Variants in SNX17 observed in about 807,000 individuals in gnomAD.
The protein encoded by SNX17 is sorting nexin 17, also known as sorting nexin-17.
In SNX17, 35 loss-of-function variants were observed where a neutral mutation model predicts 64.3. The observed-to-expected ratio is 0.54, with a 90% CI of 0.42 to 0.72. The LOEUF (loss-of-function observed/expected upper bound fraction) is 0.72, where lower values mean the gene tolerates loss of function less well. Ranked by LOEUF, SNX17 falls within the 30% of genes least tolerant of loss-of-function variation. SNX17 has a pLI of 0.00. For missense variants in SNX17, 538 were observed against 610.0 expected (o/e 0.88, Z 1.24); for synonymous variants, 259 against 230.2 (o/e 1.13, Z -1.13).
chr2:27,376,580 C>G (rs1320892719), intron 14 of SNX17, 26 bp from the exon 15 acceptor site: 1 of 1,614,176 alleles, frequency 6.2e-7, no homozygotes, highest in East Asian at 2.2e-5. Context: ...CCCAAGATCT[C>G]TGACCCCACC....
At chr2:27,371,414 T>A (rs771571046) in intron 2 of SNX17, 71 bp downstream of exon 2, 1 of 1,531,988 alleles carries the variant, frequency 6.5e-7, no homozygotes, top group Non-Finnish European at 8.7e-7. Context: ...TGTCTCCCTT[T>A]ACCCGCTCTT....
At position 27,374,778 on chromosome 2, in the gene SNX17, A is replaced by G. The variant is rs1182582463; in HGVS notation, c.681+20A>G. On this transcript the variant is annotated intron_variant, in intron 8 of 14. Coordinates refer to ENST00000233575, the MANE Select transcript of SNX17 (RefSeq NM_014748.4). ...GCTCAGGTGAGCTTGGAGCTGCCTC[A>G]GAACCCTTCCCCTGAAGAAAATAAC... The G allele has an allele frequency of 6.2e-7, 1 of 1,611,336 alleles. No individual in the cohort carries two copies. The highest frequency in any genetic ancestry group is 1.3e-5 in the African/African-American group (1 of 74,872).
intron 2 of SNX17, 55 bp from the exon 3 acceptor site, chr2:27,372,568 G>A: frequency 4.3e-6 from 7 of 1,613,268 alleles, no homozygotes; most frequent in Non-Finnish European, 5.9e-6. Context: ...TATGTAGATT[G>A]CCTCATCTCA....
In SNX17 at chr2:27,370,735, G is replaced by A. The variant is rs902724120; in HGVS notation, c.-9G>A. On this transcript the variant is annotated 5_prime_UTR_variant, in exon 1 of 15. Coordinates refer to ENST00000233575, the MANE Select transcript of SNX17 (RefSeq NM_014748.4). ...GTCCGGAGCCCGGCCGTGCCGTGCC[G>A]TAGGGAACATGCACTTTTCCATTCC... 1.3e-6 allele frequency: 2 copies of A among 1,548,158 alleles called. No individual in the cohort carries two copies. The highest frequency in any genetic ancestry group is 1.7e-6 in the Non-Finnish European group (2 of 1,145,708).
At chr2:27,373,166 C>CG in intron 3 of SNX17, 81 bp from the exon 4 acceptor site, 1 of 1,607,944 alleles carries the variant, frequency 6.2e-7, no homozygotes, top group Non-Finnish European at 8.5e-7. Flanking sequence ...GAAATGGGGT[C>CG]GGGGGAACCT....
At position 27,375,269 on chromosome 2, in the gene SNX17, G is replaced by T; in HGVS notation, c.774+116G>T. 9.7e-7 allele frequency: 1 copy of T among 1,034,388 alleles called. No homozygotes were observed. The allele number at this position is 1,034,388 out of a possible 1,614,324, so 64.1% of individuals were successfully genotyped here. The stretch of plus-strand genomic sequence containing the variant: ...TTCTCCCGCCTCAGCCTCCCGAGTA[G>T]CTGGGACTACAGGCACCCGCCACGA... On this transcript the variant is annotated intron_variant, in intron 9 of 14. Coordinates refer to ENST00000233575, the MANE Select transcript of SNX17 (RefSeq NM_014748.4). The surrounding 1 kb of genome is among the most constrained non-coding windows in gnomAD (Gnocchi z 4.1).
chr2:27,374,385 C>T lies in SNX17; in HGVS notation c.563C>T (p.Ser188Phe). Residue 188 changes from serine to phenylalanine, a missense_variant, in exon 7 of 15, where the codon TCT becomes TTT. Ser to Phe is a radical substitution (Grantham distance 155). Around this residue, in one of 3 missense-constraint regions of SNX17, gnomAD observed 505 missense variants for 550.4 expected, o/e 0.92. Coordinates refer to ENST00000233575, the MANE Select transcript of SNX17 (RefSeq NM_014748.4). ...KLQEFELPYV[S>F]VTSLRSQEYK... is the part of the protein sequence containing the mutation. ...CAAGAGTTTGAGCTGCCTTATGTGT[C>T]TGTCACCAGCCTTCGGAGTCAAGAG... The T allele has an allele frequency of 6.2e-7, 1 of 1,613,230 alleles. No individual in the cohort carries two copies. Among genetic ancestry groups the T allele is most frequent in the African/African-American group, 1.3e-5 (1 of 74,660 alleles).
intron 1 of SNX17, among the ~76,000 whole-genome samples, 162 bp downstream of exon 1, chr2:27,370,968 C>T (rs1682435135): frequency 6.6e-6 from 1 of 152,248 alleles, no homozygotes; most frequent in Non-Finnish European, 1.5e-5. Flanking sequence ...GTGTGTGATT[C>T]GTGCAGTGGT....
intron 6 of SNX17, 38 bp downstream of exon 6, chr2:27,374,213 TTCA>T: frequency 6.3e-7 from 1 of 1,598,462 alleles, no homozygotes; most frequent in Non-Finnish European, 8.6e-7. Flanking sequence ...ACAAGGGTAC[TTCA>T]GTAGAGTTTG....
In SNX17 at chr2:27,375,174, G is replaced by A; in HGVS notation, c.774+21G>A. 2 of 1,608,390 alleles carry A rather than the reference G, an allele frequency of 1.2e-6. No homozygotes were observed. Among genetic ancestry groups the A allele is most frequent in the South Asian group, 2.2e-5 (2 of 90,936 alleles). ...AGGAGGTGAGCCCTGCCTCCTCTCT[G>A]TCTTCCTCTAAGGGCTTGCAGTGGC... On this transcript the variant is annotated intron_variant, in intron 9 of 14. Transcript: ENST00000233575. The surrounding 1 kb of genome is among the most constrained non-coding windows in gnomAD (Gnocchi z 4.1).
intron 8 of SNX17, 145 bp from the exon 9 acceptor site, chr2:27,374,916 A>G: frequency 1.0e-6 from 1 of 971,070 alleles, no homozygotes; most frequent in South Asian, 1.4e-5. Context: ...CCCTACTTTT[A>G]TTAAGCTGAC....
Position 27,370,655 on chromosome 2 carries a change from C to G in SNX17, c.-89C>G, listed in dbSNP as rs918427091. The G allele has an allele frequency of 6.8e-7, 1 of 1,470,338 alleles. No homozygotes were observed. The highest frequency in any genetic ancestry group is 9.0e-7 in the Non-Finnish European group (1 of 1,107,566). 91.1% of individuals were successfully genotyped at this position (1,470,338 alleles called of 1,614,324 possible). On this transcript the variant is annotated 5_prime_UTR_variant, in exon 1 of 15. Coordinates refer to ENST00000233575, the MANE Select transcript of SNX17 (RefSeq NM_014748.4). ...GCTCCCAAAATGGCGAGTGAGGCTG[C>G]GGGGACTCGCTGAGCAGCGGAGGGG...
intron 1 of SNX17, 54 bp from the exon 2 acceptor site, chr2:27,371,215 G>C: frequency 1.3e-6 from 2 of 1,524,950 alleles, no homozygotes; most frequent in Non-Finnish European, 1.8e-6. Context: ...AGGGTTCTCA[G>C]GGGGGTTGCG....
intron 2 of SNX17, 70 bp from the exon 3 acceptor site, chr2:27,372,553 G>T: frequency 6.2e-7 from 1 of 1,610,180 alleles, no homozygotes. Flanking sequence ...AGAACATTAT[G>T]AGCATATGTA....
intron 7 of SNX17, 69 bp downstream of exon 7, chr2:27,374,502 T>C (rs1006994035): frequency 6.9e-7 from 1 of 1,440,286 alleles, no homozygotes. Flanking sequence ...GGCCACATAT[T>C]GAGACAGAAT....
Position 27,374,374 on chromosome 2 carries a change from G to A in SNX17, c.552G>A (p.Leu184=), listed in dbSNP as rs757001733. 1.9e-6 allele frequency: 3 copies of A among 1,613,188 alleles called. No individual in the cohort carries two copies. Among genetic ancestry groups the A allele is most frequent in the Middle Eastern group, 1.6e-4 (1 of 6,062 alleles). ...SFVRKLQEFE[L]PYVSVTSLRS... is the part of the protein sequence containing the mutation. ...TACGGAAGTTGCAAGAGTTTGAGCT[G>A]CCTTATGTGTCTGTCACCAGCCTTC... The change falls in exon 7 of 15, where the codon CTG becomes CTA. Residue 184 remains leucine, a synonymous_variant. Coordinates refer to ENST00000233575, the MANE Select transcript of SNX17 (RefSeq NM_014748.4).
At chr2:27,376,006 C>CT in intron 11 of SNX17, 35 bp downstream of exon 11, 1 of 1,613,824 alleles carries the variant, frequency 6.2e-7, no homozygotes, top group South Asian at 1.1e-5. Flanking sequence ...TCTGGAGCAC[C>CT]TTAAAGTGTA....
intron 3 of SNX17, 126 bp downstream of exon 3, chr2:27,372,866 A>G (rs1682773529): frequency 7.4e-7 from 1 of 1,358,950 alleles, no homozygotes; most frequent in Non-Finnish European, 1.0e-6. Context: ...TTGATCTGTT[A>G]TGCAGTTAGC....
In SNX17 at chr2:27,371,805, C is replaced by T. The variant is rs569306862; in HGVS notation, c.138+462C>T. On this transcript the variant is annotated intron_variant, in intron 2 of 14. Transcript: ENST00000233575. ...ATGTATCTGTGATGCAATGTTTCTCCTCCTTCCTTACCAGATCTTAAACTC... is the reference window on the plus strand; with the variant it reads ...ATGTATCTGTGATGCAATGTTTCTCTTCCTTCCTTACCAGATCTTAAACTC... Among the ~76,000 whole-genome samples the T allele has an allele frequency of 2.6e-5, 4 of 152,336 alleles. No individual in the cohort carries two copies. The South Asian group carries it at 8.3e-4, about 32-fold the overall frequency.
Sources: gnomAD v4.1 joint callset for allele counts (sites outside exome capture counted in the v4.1 genomes callset) on GRCh38, gnomAD v4.1.1 for gene constraint, gnomAD v4.1.1 regional missense constraint, Gnocchi (gnomAD v3.1) non-coding constraint, MANE v1.5 for transcripts, NCBI Gene and HGNC (gene_info 2026-07-23, HGNC 2026-07-21) for gene names.